Variants in PAXBP1 observed in about 807,000 individuals in gnomAD.
PAXBP1 encodes the protein PAX3- and PAX7-binding protein 1.
In PAXBP1, 44 loss-of-function variants were observed where a neutral mutation model predicts 119.9. That is an observed-to-expected ratio of 0.37 (90% CI 0.29 to 0.47). The LOEUF (loss-of-function observed/expected upper bound fraction) is 0.47, where lower values mean the gene tolerates loss of function less well. Ranked by LOEUF, PAXBP1 falls within the 20% of genes least tolerant of loss-of-function variation. PAXBP1 has a pLI of 0.99. For missense variants in PAXBP1, 898 were observed against 1,134.1 expected, an observed-to-expected ratio of 0.79 and a Z score of 2.99; for synonymous variants, 393 against 406.6, an observed-to-expected ratio of 0.97 and a Z score of 0.40.
intron 3 of PAXBP1, among the ~76,000 whole-genome samples, chr21:32,763,390 A>C (rs532615528): frequency 6.6e-6 from 1 of 152,318 alleles, no homozygotes; most frequent in South Asian, 2.1e-4. Flanking sequence ...TCTAGATATG[A>C]AATTACTGGG....
rs748682067 is a variant in PAXBP1, at chr21:32,751,172, C to G, written c.1554G>C (p.Arg518=). 2.3e-5 allele frequency: 37 copies of G among 1,613,992 alleles called. No individual in the cohort carries two copies. Among genetic ancestry groups the G allele is most frequent in the Middle Eastern group, 1.6e-4 (1 of 6,084 alleles). Residue 518 remains arginine, a synonymous_variant, in exon 9 of 18, where the codon CGG becomes CGC. Coordinates refer to ENST00000331923, the MANE Select transcript of PAXBP1 (RefSeq NM_016631.4). ...GTTTTGCATGCTCTTGATACAGTGC[C>G]CGATCGCGTCCAAAGGAGTCAAGAT... ...APNLDSFGRD[R]ALYQEHAKRR... is the part of the protein sequence containing the mutation.
intron 5 of PAXBP1, 144 bp from the exon 6 acceptor site, chr21:32,760,138 G>C: frequency 1.6e-6 from 1 of 633,392 alleles, no homozygotes; most frequent in Non-Finnish European, 2.7e-6. Flanking sequence ...TTCAAAATTA[G>C]ATAAAAGCAG....
At chr21:32,762,661 G>A (rs1420853514) in intron 3 of PAXBP1, among the ~76,000 whole-genome samples, 10 of 151,774 alleles carry the variant, frequency 6.6e-5, no homozygotes, top group Non-Finnish European at 1.5e-4. Context: ...GCTCACACCT[G>A]TAATCCCAGC....
intron 13 of PAXBP1, among the ~76,000 whole-genome samples, 181 bp downstream of exon 13, chr21:32,744,611 A>G (rs1046450496): frequency 6.6e-6 from 1 of 152,100 alleles, no homozygotes; most frequent in Admixed American, 6.5e-5. Context: ...AGGTATAAAA[A>G]AAAGAAAAAA....
rs2043949759 is a variant in PAXBP1, at chr21:32,750,986, G to T, written c.1654C>A (p.His552Asn). 3 of 1,613,992 alleles carry T rather than the reference G, an allele frequency of 1.9e-6. No homozygotes were observed. Among genetic ancestry groups the T allele is most frequent in the Admixed American group, 1.7e-5 (1 of 59,998 alleles). ...TCATCACTGGAAAGGCCTTCAAGGT[G>T]ATCTGCCATCTTACCGGTTTGTTCT... ...AREQTGKMADHLEGLSSDDEE... is the reference protein window; with the variant it reads ...AREQTGKMADNLEGLSSDDEE... Residue 552 changes from histidine to asparagine, a missense_variant, in exon 10 of 18, where the codon CAC (histidine) becomes AAC (asparagine). Coordinates refer to ENST00000331923, the MANE Select transcript of PAXBP1 (RefSeq NM_016631.4).
chr21:32,754,061 T>C (rs773118588), intron 8 of PAXBP1, among the ~76,000 whole-genome samples: 3 of 152,128 alleles, frequency 2.0e-5, no homozygotes, highest in Non-Finnish European at 4.4e-5. Flanking sequence ...CAGAAGGTCA[T>C]AGCCATTTAT....
chr21:32,761,143 A>G lies in PAXBP1; in HGVS notation c.891T>C (p.Asp297=). 1.2e-6 allele frequency: 2 copies of G among 1,613,944 alleles called. No homozygotes were observed. The highest frequency in any genetic ancestry group is 1.1e-5 in the South Asian group (1 of 91,070). Residue 297 remains aspartate, a synonymous_variant, in exon 5 of 18, where the codon GAT becomes GAC. Transcript: ENST00000331923. ...AEEIGIEGSD[D]DALVTGEQDE... ...CCTGTTCTCCAGTTACTAAAGCATCATCATCACTCCCCTCAATTCCTACAG... is the reference window on the plus strand; with the variant it reads ...CCTGTTCTCCAGTTACTAAAGCATCGTCATCACTCCCCTCAATTCCTACAG...
chr21:32,759,443 T>C, intron 6 of PAXBP1, 174 bp from the exon 7 acceptor site: 1 of 749,388 alleles, frequency 1.3e-6, no homozygotes, highest in Non-Finnish European at 2.1e-6. Flanking sequence ...AATGGCAGTT[T>C]ACAGATTTCA....
At chr21:32,740,130 A>G (rs1432762476) in intron 15 of PAXBP1, among the ~76,000 whole-genome samples, 1 of 152,066 alleles carries the variant, frequency 6.6e-6, no homozygotes, top group Non-Finnish European at 1.5e-5. Flanking sequence ...TTCTATTCAA[A>G]GTCATCTCTC....
In PAXBP1 at chr21:32,734,229, A is replaced by T. The variant is rs2043660699; in HGVS notation, c.*721T>A. ...CAGGGAGTAAAATCATGAATGAGAC[A>T]GGACGGTCAGCCCAAAACCATGCAA... On this transcript the variant is annotated 3_prime_UTR_variant, in exon 18 of 18. Transcript: ENST00000331923. 1 of 152,702 alleles carries T rather than the reference A, an allele frequency of 6.5e-6. No individual in the cohort carries two copies. The highest frequency in any genetic ancestry group is 1.5e-5 in the Non-Finnish European group (1 of 68,052). The allele number at this position is 152,702 out of a possible 1,614,324, so 9.5% of individuals were successfully genotyped here. A position where few individuals can be genotyped will look rare whatever the true frequency, so the allele number is the denominator to read the frequency against.
chr21:32,743,080 A>G, intron 15 of PAXBP1, 168 bp downstream of exon 15: 1 of 709,768 alleles, frequency 1.4e-6, no homozygotes, highest in Non-Finnish European at 2.6e-6. Flanking sequence ...TGAAAATATC[A>G]AACTTGAATG....
intron 12 of PAXBP1, 69 bp downstream of exon 12, chr21:32,745,504 TA>T: frequency 6.4e-7 from 1 of 1,571,620 alleles, no homozygotes; most frequent in Admixed American, 1.7e-5. Context: ...CTCTGAATTA[TA>T]AACTCATAAA....
intron 4 of PAXBP1, among the ~76,000 whole-genome samples, chr21:32,761,729 T>C (rs1053755180): frequency 6.6e-6 from 1 of 151,410 alleles, no homozygotes; most frequent in Admixed American, 6.6e-5. Context: ...TGGTGGCCCA[T>C]GCCTGTAATC....
intron 12 of PAXBP1, among the ~76,000 whole-genome samples, chr21:32,745,202 A>G (rs929103792): frequency 6.6e-6 from 1 of 152,246 alleles, no homozygotes; most frequent in Non-Finnish European, 1.5e-5. Context: ...CATTTCTAGT[A>G]TTTAAAATAG....
At chr21:32,735,676 G>A (rs1186498444) in intron 17 of PAXBP1, among the ~76,000 whole-genome samples, 1 of 152,224 alleles carries the variant, frequency 6.6e-6, no homozygotes, top group East Asian at 1.9e-4. Context: ...CACCCCAAGA[G>A]TTCTATTCAA....
intron 7 of PAXBP1, chr21:32,756,679 C>T (rs2044048335): frequency 4.0e-6 from 1 of 249,122 alleles, no homozygotes. Context: ...TTTTTTAAAC[C>T]ATGAAGTACT....
chr21:32,758,296 G>C (rs2044075842), intron 7 of PAXBP1, among the ~76,000 whole-genome samples: 1 of 151,074 alleles, frequency 6.6e-6, no homozygotes, highest in African/African-American at 2.4e-5. Context: ...GTTCAGACAG[G>C]ATATTTAAGG....
intron 15 of PAXBP1, chr21:32,741,312 C>T (rs965433862): frequency 2.9e-5 from 12 of 414,380 alleles, no homozygotes; most frequent in South Asian, 1.8e-4. Flanking sequence ...TATGAAGTTT[C>T]GCTGAAAATT....
chr21:32,760,380 T>G (rs913934700), intron 5 of PAXBP1, among the ~76,000 whole-genome samples: 4 of 152,212 alleles, frequency 2.6e-5, no homozygotes, highest in African/African-American at 9.6e-5. Flanking sequence ...GCCATTTTCT[T>G]AACTTCACCC....
Sources: allele counts gnomAD v4.1 joint callset (sites outside exome capture counted in the v4.1 genomes callset), GRCh38; gene constraint gnomAD v4.1.1; transcripts MANE v1.5; gene names NCBI Gene and HGNC (gene_info 2026-07-23, HGNC 2026-07-21).